The following STPG2 variants were observed in gnomAD, a reference collection of about 807,000 sequenced individuals.
STPG2 encodes sperm tail PG-rich repeat containing 2.
A neutral mutation model predicts 54.2 loss-of-function variants in STPG2; 56 were observed. The observed-to-expected ratio is 1.03, with a 90% confidence interval of 0.83 to 1.29. STPG2 has a LOEUF of 1.29. Among genes scored for constraint, STPG2 ranks in the 50% most tolerant of loss-of-function variants. The probability of loss-of-function intolerance (pLI) is 0.00; values close to 1 mark genes in which losing one functional copy is unlikely to be tolerated. For missense variants in STPG2, 596 were observed against 544.9 expected (o/e 1.09, Z -0.93); for synonymous variants, 200 against 181.8 (o/e 1.10, Z -0.81).
chr4:97,890,967 T>C (rs2149174787), intron 8 of STPG2, among the ~76,000 whole-genome samples: 1 of 152,000 alleles, frequency 6.6e-6, no homozygotes, highest in Non-Finnish European at 1.5e-5. Flanking sequence ...ATACTGACTC[T>C]TGAAAAAAAT....
intron 3 of STPG2, among the ~76,000 whole-genome samples, chr4:98,116,683 T>C (rs1170938270): frequency 6.6e-6 from 1 of 151,828 alleles, no homozygotes; most frequent in African/African-American, 2.4e-5. Flanking sequence ...TTGTTATTAA[T>C]AGGATGATGG....
chr4:98,031,554 C>T (rs1374686873), intron 5 of STPG2, among the ~76,000 whole-genome samples: 1 of 151,814 alleles, frequency 6.6e-6, no homozygotes, highest in African/African-American at 2.4e-5. Flanking sequence ...GGCCTGTAGT[C>T]CCAGCCTATA....
intron 8 of STPG2, among the ~76,000 whole-genome samples, chr4:97,889,993 A>C (rs1183281421): frequency 1.3e-5 from 2 of 152,212 alleles, no homozygotes; most frequent in Non-Finnish European, 2.9e-5. Flanking sequence ...GAAATACATT[A>C]GAAGATAAAA....
At position 98,111,499 on chromosome 4, in the gene STPG2, C is replaced by T. The variant is rs1374188858; in HGVS notation, c.388-2194G>A. Among the ~76,000 whole-genome samples, 2 of 152,198 alleles carry T rather than the reference C, an allele frequency of 1.3e-5. 1 individual carries two copies. The highest frequency in any genetic ancestry group is 4.1e-4 in the South Asian group (2 of 4,820). On this transcript the variant is annotated intron_variant, in intron 3 of 10. Transcript: ENST00000295268. ...AAGCTTTGAGGTGCCACAACAAAATCCAAAAAGAAGCTGGCGCACACTAAA... is the reference window on the plus strand; with the variant it reads ...AAGCTTTGAGGTGCCACAACAAAATTCAAAAAGAAGCTGGCGCACACTAAA...
At chr4:97,559,168 G>C in intron 10 of STPG2, 51 bp from the exon 11 acceptor site, 1 of 1,171,976 alleles carries the variant, frequency 8.5e-7, no homozygotes, top group Non-Finnish European at 1.2e-6. Flanking sequence ...CTTACAAAAA[G>C]AAAAATAATA....
Position 97,712,708 on chromosome 4 carries a change from T to C in STPG2, c.1311A>G (p.Ala437=). 2 of 1,578,396 alleles carry C rather than the reference T, an allele frequency of 1.3e-6. No individual in the cohort carries two copies. Among genetic ancestry groups the C allele is most frequent in the South Asian group, 1.2e-5 (1 of 84,190 alleles). Residue 437 remains alanine, a synonymous_variant, in exon 10 of 11, where the codon GCA becomes GCG. Coordinates refer to ENST00000295268, the MANE Select transcript of STPG2 (RefSeq NM_174952.3). ...GGAAATATTGACAAACCTCATATGT[T>C]GCTGGGCCTGGAGTAATCTCTTTGG... ...EESKEITPGP[A]TYEISQEKKK...
chr4:97,516,934 G>C (rs1731087920), intron 4 of STPG2, among the ~76,000 whole-genome samples: 1 of 151,722 alleles, frequency 6.6e-6, no homozygotes, highest in African/African-American at 2.4e-5. Flanking sequence ...TTAAGACTGA[G>C]TCTTACTCTG....
At position 97,475,868 on chromosome 4, in the gene STPG2, G is replaced by A. The variant is rs75317346; in HGVS notation, c.462+236831C>T. 1.8e-3 allele frequency among the ~76,000 whole-genome samples: 279 copies of A among 152,184 alleles called. 1 individual carries two copies. The highest frequency in any genetic ancestry group is 6.4e-3 in the African/African-American group (266 of 41,514). The stretch of plus-strand genomic sequence containing the variant: ...ACTTTCCCTGGCCGCTTATCTAAAA[G>A]GCCAGCCAACCACCACCATCAGGCT... On this transcript the variant is annotated intron_variant, in intron 4 of 4. Transcript: ENST00000522676.
At chr4:97,921,881 T>C (rs570515813) in intron 8 of STPG2, among the ~76,000 whole-genome samples, 5 of 152,142 alleles carry the variant, frequency 3.3e-5, no homozygotes, top group African/African-American at 1.2e-4. Context: ...ACAATATGAA[T>C]GAACCTAGAG....
intron 9 of STPG2, among the ~76,000 whole-genome samples, chr4:97,796,755 G>C (rs769914239): frequency 2.0e-5 from 3 of 152,176 alleles, no homozygotes; most frequent in Non-Finnish European, 4.4e-5. Context: ...TTGGTAGCTT[G>C]ATGGGGATGG....
At chr4:98,134,122 C>T (rs1740071109) in intron 2 of STPG2, among the ~76,000 whole-genome samples, 1 of 152,038 alleles carries the variant, frequency 6.6e-6, no homozygotes, top group East Asian at 1.9e-4. Context: ...TAGCATGTAA[C>T]AATGTTTTGT....
intron 9 of STPG2, among the ~76,000 whole-genome samples, chr4:97,825,591 T>G (rs943949954): frequency 6.6e-6 from 1 of 152,156 alleles, no homozygotes; most frequent in Non-Finnish European, 1.5e-5. Flanking sequence ...TATTAGGCCC[T>G]AGAAACTGTA....
At chr4:97,482,351 T>C (rs1195201978) in intron 4 of STPG2, among the ~76,000 whole-genome samples, 6 of 151,436 alleles carry the variant, frequency 4.0e-5, no homozygotes, top group African/African-American at 7.3e-5. Flanking sequence ...AAGAAATAGA[T>C]AGCATAAAGA....
chr4:97,475,928 C>T (rs139805059), intron 4 of STPG2, among the ~76,000 whole-genome samples: 36 of 152,118 alleles, frequency 2.4e-4, no homozygotes, highest in Middle Eastern at 3.4e-3. Context: ...TTTTTCTTTA[C>T]GCCACTTACT....
At chr4:97,581,128 G>T (rs1157634846) in intron 10 of STPG2, among the ~76,000 whole-genome samples, 1 of 151,964 alleles carries the variant, frequency 6.6e-6, no homozygotes, top group Non-Finnish European at 1.5e-5. Context: ...CCATTTCAAT[G>T]AATTAATATT....
intron 10 of STPG2, among the ~76,000 whole-genome samples, chr4:97,638,494 G>A (rs1225128192): frequency 6.6e-6 from 1 of 152,086 alleles, no homozygotes; most frequent in Non-Finnish European, 1.5e-5. Context: ...ATTGACAAAT[G>A]GGATCTCATT....
chr4:97,595,659 A>G (rs1350231292), intron 10 of STPG2, among the ~76,000 whole-genome samples: 1 of 152,192 alleles, frequency 6.6e-6, no homozygotes, highest in Admixed American at 6.5e-5. Flanking sequence ...TTTAATATCC[A>G]GCCAAAGTAA....
intron 7 of STPG2, among the ~76,000 whole-genome samples, chr4:97,963,776 A>C (rs1022944786): frequency 2.0e-5 from 3 of 152,036 alleles, no homozygotes; most frequent in African/African-American, 4.8e-5. Flanking sequence ...TAAATGAACA[A>C]TAGAAATTAA....
intron 8 of STPG2, among the ~76,000 whole-genome samples, chr4:97,937,061 G>GAAA (rs936141916): frequency 2.0e-5 from 3 of 151,804 alleles, no homozygotes; most frequent in Non-Finnish European, 4.4e-5. Context: ...GGTTCTTGGG[G>GAAA]GTTTTGTTTG....
Sources: gnomAD v4.1 joint callset for allele counts (sites outside exome capture counted in the v4.1 genomes callset) on GRCh38, gnomAD v4.1.1 for gene constraint, MANE v1.5 for transcripts, NCBI Gene and HGNC (gene_info 2026-07-23, HGNC 2026-07-21) for gene names.